The following ESRRB variants were observed in gnomAD, a reference collection of about 807,000 sequenced individuals.
ESRRB encodes steroid hormone receptor ERR2.
ESRRB carries 16 observed loss-of-function variants against 46.0 expected under a neutral mutation model. The ratio of observed to expected loss-of-function variants is 0.35; its 90% CI spans 0.24 to 0.53. The LOEUF (loss-of-function observed/expected upper bound fraction) is 0.53. Among genes scored for constraint, ESRRB ranks in the 20% least tolerant of loss-of-function variants. The probability of loss-of-function intolerance (pLI) is 0.93; values close to 1 mark genes in which losing one functional copy is unlikely to be tolerated. For synonymous variants in ESRRB, 246 were observed against 259.6 expected, an observed-to-expected ratio of 0.95 and a Z score of 0.50; for missense variants, 488 against 607.4, an observed-to-expected ratio of 0.80 and a Z score of 2.07.
At chr14:76,430,037 C>A (rs1454036300) in intron 1 of ESRRB, among the ~76,000 whole-genome samples, 2 of 152,114 alleles carry the variant, frequency 1.3e-5, no homozygotes, top group African/African-American at 4.8e-5. Context: ...CCCTACCCTC[C>A]CTCCCATGTA....
In ESRRB at chr14:76,498,320, G is replaced by T; in HGVS notation, c.1227G>T (p.Arg409Ser). The part of the protein sequence containing the change: ...ELSQRHEEPW[R>S]TGKLLLTLPL... ...GCCAGCGCCATGAGGAGCCCTGGAG[G>T]ACGGGCAAGCTGCTGCTGACACTGC... The change falls in exon 7 of 7, where the codon AGG becomes AGT. Residue 409 changes from arginine (R) to serine (S), a missense_variant. Arg to Ser is a moderately radical substitution (Grantham distance 110). Coordinates refer to ENST00000644823, the MANE Select transcript of ESRRB (RefSeq NM_001379180.1). 3 of 1,613,220 alleles carry T rather than the reference G, an allele frequency of 1.9e-6. No individual in the cohort carries two copies. Among genetic ancestry groups the T allele is most frequent in the Non-Finnish European group, 2.5e-6 (3 of 1,179,830 alleles).
At chr14:76,479,573 G>A (rs1394617660) in intron 3 of ESRRB, among the ~76,000 whole-genome samples, 1 of 152,180 alleles carries the variant, frequency 6.6e-6, no homozygotes, top group African/African-American at 2.4e-5. Flanking sequence ...TTAGAAACCA[G>A]ACAAGAACCA....
intron 5 of ESRRB, among the ~76,000 whole-genome samples, chr14:76,483,061 C>G (rs1397347506): frequency 6.6e-6 from 1 of 152,120 alleles, no homozygotes; most frequent in Non-Finnish European, 1.5e-5. Flanking sequence ...TTCCTTGAGC[C>G]CTTAAAGGGC....
At chr14:76,365,181 A>T (rs1884505919) in intron 1 of ESRRB, among the ~76,000 whole-genome samples, 1 of 152,200 alleles carries the variant, frequency 6.6e-6, no homozygotes, top group South Asian at 2.1e-4. Context: ...TGTTTTTAGA[A>T]TCACTGTGCT....
At chr14:76,453,931 A>G (rs1888500597) in intron 2 of ESRRB, among the ~76,000 whole-genome samples, 1 of 152,116 alleles carries the variant, frequency 6.6e-6, no homozygotes, top group Non-Finnish European at 1.5e-5. Context: ...TTCTTGACTG[A>G]TGGGTAAAAT....
At chr14:76,483,707 C>A (rs1889896211) in intron 5 of ESRRB, among the ~76,000 whole-genome samples, 2 of 152,198 alleles carry the variant, frequency 1.3e-5, no homozygotes, top group South Asian at 4.1e-4. Context: ...ATCCTTTTAT[C>A]CTTCTGGTAA....
At chr14:76,361,573 T>A (rs1449305377) in intron 1 of ESRRB, among the ~76,000 whole-genome samples, 2 of 152,174 alleles carry the variant, frequency 1.3e-5, no homozygotes, top group Non-Finnish European at 2.9e-5. Flanking sequence ...AGGGAAGATT[T>A]CCAAGGCTGG....
rs781376447 is a variant in ESRRB, at chr14:76,499,976, G to A, written c.*1518G>A. ...CAAGCAGGGATCAGAGCAACTCCCC[G>A]GGGATCCCCAATCCACGCCCTTCTA... On this transcript the variant is annotated 3_prime_UTR_variant, in exon 7 of 7. Transcript: ENST00000644823. 7.7e-5 allele frequency: 123 copies of A among 1,600,406 alleles called. No homozygotes were observed. The highest frequency in any genetic ancestry group is 9.6e-5 in the Non-Finnish European group (113 of 1,173,268).
At chr14:76,333,449 G>GATATAAA (rs1566854142) in intron 1 of ESRRB, among the ~76,000 whole-genome samples, 1 of 46,250 alleles carries the variant, frequency 2.2e-5, no homozygotes, top group African/African-American at 1.1e-4. Flanking sequence ...TGATATATAA[G>GATATAAA]TATATCATAT....
intron 1 of ESRRB, among the ~76,000 whole-genome samples, chr14:76,432,277 C>T (rs1887480173): frequency 6.6e-6 from 1 of 152,220 alleles, no homozygotes; most frequent in Non-Finnish European, 1.5e-5. Context: ...ACAGCCCCAT[C>T]ACATGGAATC....
At chr14:76,434,488 C>A (rs74624313) in intron 1 of ESRRB, among the ~76,000 whole-genome samples, 117 of 148,694 alleles carry the variant, frequency 7.9e-4, no homozygotes, top group African/African-American at 2.7e-3. Context: ...CTGTCTCTAC[C>A]AAAAAAAAAC....
intron 1 of ESRRB, among the ~76,000 whole-genome samples, chr14:76,377,596 C>T (rs1471873850): frequency 2.0e-5 from 3 of 152,028 alleles, no homozygotes; most frequent in Non-Finnish European, 4.4e-5. Flanking sequence ...TTTTTTCTGA[C>T]GCAAACTAAA....
chr14:76,480,208 C>G (rs1889751463), intron 3 of ESRRB, among the ~76,000 whole-genome samples: 1 of 152,126 alleles, frequency 6.6e-6, no homozygotes, highest in African/African-American at 2.4e-5. Flanking sequence ...TGAGTAGACT[C>G]CCCCTCTCCC....
chr14:76,363,709 T>C (rs756355355), intron 1 of ESRRB, among the ~76,000 whole-genome samples: 1 of 152,164 alleles, frequency 6.6e-6, no homozygotes, highest in African/African-American at 2.4e-5. Context: ...TATCCATCAA[T>C]TGGTTGGACC....
At chr14:76,464,421 T>G (rs187848867) in intron 3 of ESRRB, among the ~76,000 whole-genome samples, 18 of 152,314 alleles carry the variant, frequency 1.2e-4, no homozygotes, top group Admixed American at 8.5e-4. Flanking sequence ...CACTTCCGTT[T>G]ACCATTTCCA....
chr14:76,376,860 G>T lies in ESRRB; in HGVS notation c.50+409G>T, dbSNP rs145732342. Among the ~76,000 whole-genome samples the T allele has an allele frequency of 1.3e-5, 2 of 152,298 alleles. No homozygotes were observed. The highest frequency in any genetic ancestry group is 2.9e-5 in the Non-Finnish European group (2 of 68,024). ...TCCCGTCAGAGAAAGCCTTTCCCGC[G>T]GGCGCTTTGTTTTATTATTTCCATC... On this transcript the variant is annotated intron_variant, in intron 1 of 6. Coordinates refer to ENST00000644823, the MANE Select transcript of ESRRB (RefSeq NM_001379180.1). This position sits in a 1 kb window ranked among gnomAD's most constrained non-coding sequence, Gnocchi z 4.1.
At chr14:76,444,725 A>G (rs945397323) in intron 2 of ESRRB, among the ~76,000 whole-genome samples, 1 of 152,164 alleles carries the variant, frequency 6.6e-6, no homozygotes, top group African/African-American at 2.4e-5. Context: ...CCATGAGTCT[A>G]CAGGCGTAGC....
At chr14:76,362,050 G>A (rs1359423456) in intron 1 of ESRRB, among the ~76,000 whole-genome samples, 1 of 152,210 alleles carries the variant, frequency 6.6e-6, no homozygotes, top group East Asian at 1.9e-4. Flanking sequence ...TCTGAGCACA[G>A]TGTGGGTGCT....
intron 1 of ESRRB, among the ~76,000 whole-genome samples, chr14:76,362,912 C>G (rs1343676356): frequency 6.6e-6 from 1 of 152,120 alleles, no homozygotes; most frequent in African/African-American, 2.4e-5. Flanking sequence ...GTTTGAAAGC[C>G]ATTTCTTTAA....
Sources: gnomAD v4.1 joint callset for allele counts (sites outside exome capture counted in the v4.1 genomes callset) on GRCh38, gnomAD v4.1.1 for gene constraint, Gnocchi (gnomAD v3.1) non-coding constraint, MANE v1.5 for transcripts, NCBI Gene and HGNC (gene_info 2026-07-23, HGNC 2026-07-21) for gene names.